AIDA: variants seen among roughly 807,000 people sequenced by gnomAD.
The protein encoded by AIDA is axin interactor, dorsalization-associated protein.
In AIDA, 18 loss-of-function variants were observed where a neutral mutation model predicts 42.7. The ratio of observed to expected loss-of-function variants is 0.42; its 90% CI spans 0.29 to 0.63. The LOEUF is 0.63. Ranked by LOEUF, AIDA falls within the 20% of genes least tolerant of loss-of-function variation. The pLI is 0.19. For missense variants in AIDA, 250 were observed against 354.1 expected (o/e 0.71, Z 2.36); for synonymous variants, 104 against 122.9 (o/e 0.85, Z 1.02).
intron 6 of AIDA, among the ~76,000 whole-genome samples, chr1:222,679,518 G>A (rs566810059): frequency 1.3e-4 from 20 of 152,314 alleles, no homozygotes; most frequent in African/African-American, 4.1e-4. Flanking sequence ...ATGTCAGGGT[G>A]TGCCAGGCAC....
At chr1:222,701,223 A>G (rs1655694181) in intron 2 of AIDA, among the ~76,000 whole-genome samples, 1 of 152,128 alleles carries the variant, frequency 6.6e-6, no homozygotes, top group Admixed American at 6.5e-5. Context: ...TCGACCTCCC[A>G]AAGTGCTAAG....
chr1:222,685,918 G>C (rs1023292975), intron 6 of AIDA, among the ~76,000 whole-genome samples: 1 of 152,206 alleles, frequency 6.6e-6, no homozygotes, highest in Non-Finnish European at 1.5e-5. Context: ...CCAGCACTAT[G>C]AGAGGCTGAG....
At position 222,676,237 on chromosome 1, in the gene AIDA, CA is replaced by C. The variant is rs1558207522; in HGVS notation, c.461-20del. On this transcript the variant is annotated intron_variant, in intron 6 of 9. Coordinates refer to ENST00000340020, the MANE Select transcript of AIDA (RefSeq NM_022831.4). ...AAAGTACCTGGCAACAGAGAAAAAG[CA>C]ATAAAAGCTCCATATCATTTCACAG... 1 of 1,601,022 alleles carries C rather than the reference CA, an allele frequency of 6.2e-7. No homozygotes were observed. Among genetic ancestry groups the C allele is most frequent in the South Asian group, 1.1e-5 (1 of 88,706 alleles).
chr1:222,679,142 G>A (rs1335729976), intron 6 of AIDA, among the ~76,000 whole-genome samples: 1 of 152,068 alleles, frequency 6.6e-6, no homozygotes, highest in Non-Finnish European at 1.5e-5. Flanking sequence ...TAATATGCAC[G>A]AAAGAAGATA....
chr1:222,676,359 C>T, intron 6 of AIDA, 141 bp from the exon 7 acceptor site: 1 of 913,668 alleles, frequency 1.1e-6, no homozygotes, highest in Non-Finnish European at 1.5e-6. Context: ...CTCCCAAACG[C>T]TTGGCATTAT....
At chr1:222,699,050 C>T (rs2124965385) in intron 2 of AIDA, among the ~76,000 whole-genome samples, 1 of 152,302 alleles carries the variant, frequency 6.6e-6, no homozygotes, top group East Asian at 1.9e-4. Flanking sequence ...CAGTCTCGAT[C>T]TCCTGACCTC....
intron 2 of AIDA, among the ~76,000 whole-genome samples, chr1:222,695,105 G>A (rs549742997): frequency 2.0e-5 from 3 of 152,322 alleles, no homozygotes; most frequent in Admixed American, 1.3e-4. Context: ...TCAATAACCA[G>A]CTGAGGAATC....
chr1:222,691,775 T>C (rs1655381857), intron 4 of AIDA, among the ~76,000 whole-genome samples: 3 of 150,670 alleles, frequency 2.0e-5, no homozygotes, highest in Admixed American at 2.0e-4. Context: ...CAAAAACATA[T>C]AGTAATATTT....
At chr1:222,684,198 G>A (rs539011553) in intron 6 of AIDA, among the ~76,000 whole-genome samples, 1 of 151,580 alleles carries the variant, frequency 6.6e-6, no homozygotes, top group African/African-American at 2.4e-5. Context: ...CGGCACCTCC[G>A]CCTCCCAGGT....
At chr1:222,684,387 C>A (rs575532415) in intron 6 of AIDA, among the ~76,000 whole-genome samples, 1 of 152,296 alleles carries the variant, frequency 6.6e-6, no homozygotes, top group East Asian at 1.9e-4. Flanking sequence ...CTTGGAATTA[C>A]AGGCATGAGC....
intron 7 of AIDA, among the ~76,000 whole-genome samples, chr1:222,674,803 TAAAAC>T (rs1424461800): frequency 6.6e-6 from 1 of 152,190 alleles, no homozygotes; most frequent in African/African-American, 2.4e-5. Flanking sequence ...TTAGAGAACT[TAAAAC>T]AATATAGTAC....
rs1019212401 is a variant in AIDA at position 222,669,640 on chromosome 1, T to G, written c.*253A>C. 2.8e-5 allele frequency: 11 copies of G among 390,156 alleles called. No individual in the cohort carries two copies. Among genetic ancestry groups the G allele is most frequent in the African/African-American group, 2.3e-4 (11 of 47,738 alleles). 24.2% of individuals were successfully genotyped at this position (390,156 alleles called of 1,614,324 possible). A position where few individuals can be genotyped will look rare whatever the true frequency, so the allele number is the denominator to read the frequency against. ...GTAAATTAGAAAATAGACTATTAATTGCACAATTAATAGAAAAGTAAAAAC... is the reference window on the plus strand; with the variant it reads ...GTAAATTAGAAAATAGACTATTAATGGCACAATTAATAGAAAAGTAAAAAC... On this transcript the variant is annotated 3_prime_UTR_variant, in exon 10 of 10. Coordinates refer to ENST00000340020, the MANE Select transcript of AIDA (RefSeq NM_022831.4).
chr1:222,705,996 A>G (rs1655828823), intron 1 of AIDA, among the ~76,000 whole-genome samples: 1 of 152,208 alleles, frequency 6.6e-6, no homozygotes, highest in Non-Finnish European at 1.5e-5. Context: ...AAAGACAGGA[A>G]ACTCAATTTT....
intron 8 of AIDA, among the ~76,000 whole-genome samples, chr1:222,673,042 T>A (rs536252526): frequency 2.0e-5 from 3 of 152,308 alleles, no homozygotes; most frequent in African/African-American, 7.2e-5. Flanking sequence ...TCCCAGCCCT[T>A]TAGTGTGTGA....
chr1:222,691,138 G>A (rs1466940528), intron 4 of AIDA, among the ~76,000 whole-genome samples: 1 of 152,166 alleles, frequency 6.6e-6, no homozygotes, highest in African/African-American at 2.4e-5. Flanking sequence ...GAAGACATTT[G>A]AGCCATGACC....
At chr1:222,702,090 A>AT (rs1655725443) in intron 2 of AIDA, among the ~76,000 whole-genome samples, 1 of 152,234 alleles carries the variant, frequency 6.6e-6, no homozygotes, top group Non-Finnish European at 1.5e-5. Context: ...AAAAAAGTAC[A>AT]TTAGATAAAG....
intron 2 of AIDA, among the ~76,000 whole-genome samples, chr1:222,701,711 C>A (rs960827765): frequency 6.6e-6 from 1 of 152,010 alleles, no homozygotes; most frequent in African/African-American, 2.4e-5. Flanking sequence ...AAAAAATATT[C>A]TTTTTTTAAA....
At chr1:222,694,029 T>C (rs1182450064) in intron 3 of AIDA, among the ~76,000 whole-genome samples, 181 bp downstream of exon 3, 3 of 152,124 alleles carry the variant, frequency 2.0e-5, no homozygotes, top group Admixed American at 6.5e-5. Context: ...CAGAAAAAAT[T>C]GAAGTCATAT....
chr1:222,674,772 G>T (rs1165525881), intron 7 of AIDA, among the ~76,000 whole-genome samples: 1 of 152,120 alleles, frequency 6.6e-6, no homozygotes, highest in East Asian at 1.9e-4. Flanking sequence ...AAGTGTTTAT[G>T]TATTATTCAA....
Sources: allele counts gnomAD v4.1 joint callset (sites outside exome capture counted in the v4.1 genomes callset), GRCh38; gene constraint gnomAD v4.1.1; transcripts MANE v1.5; gene names NCBI Gene and HGNC (gene_info 2026-07-23, HGNC 2026-07-21).